Variants in SOX5 observed in about 807,000 individuals in gnomAD.
SOX5 encodes SRY-box transcription factor 5.
In SOX5, 9 loss-of-function variants were observed where a neutral mutation model predicts 92.0. That is an observed-to-expected ratio of 0.10 (90% CI 0.06 to 0.17). The LOEUF (loss-of-function observed/expected upper bound fraction) is 0.17, where lower values mean the gene tolerates loss of function less well. Ranked by LOEUF, SOX5 falls within the 10% of genes least tolerant of loss-of-function variation. SOX5 has a pLI of 1.00. For synonymous variants in SOX5, 344 were observed against 336.3 expected, an observed-to-expected ratio of 1.02 and a Z score of -0.25; for missense variants, 642 against 944.5, an observed-to-expected ratio of 0.68 and a Z score of 4.20.
chr12:24,148,581 G>A (rs1951324958), intron 4 of SOX5, among the ~76,000 whole-genome samples: 1 of 148,934 alleles, frequency 6.7e-6, no homozygotes, highest in Non-Finnish European at 1.5e-5. Context: ...TGGGTGTGGT[G>A]TCTCACACCC....
At chr12:24,060,690 A>C (rs1939506711) in intron 4 of SOX5, among the ~76,000 whole-genome samples, 1 of 152,306 alleles carries the variant, frequency 6.6e-6, no homozygotes, top group South Asian at 2.1e-4. Context: ...GGATGGGTTC[A>C]GGTATGGACC....
intron 8 of SOX5, among the ~76,000 whole-genome samples, chr12:23,639,365 C>A (rs2079727356): frequency 6.6e-6 from 1 of 152,106 alleles, no homozygotes; most frequent in Non-Finnish European, 1.5e-5. Flanking sequence ...AACTTGCTCT[C>A]ACTTCCTCTC....
At chr12:23,971,121 C>T (rs1328255652) in intron 4 of SOX5, among the ~76,000 whole-genome samples, 24 of 86,224 alleles carry the variant, frequency 2.8e-4, no homozygotes, top group South Asian at 4.8e-4. Context: ...TGTCAGCTGA[C>T]TTTTTTTTTT....
intron 1 of SOX5, among the ~76,000 whole-genome samples, chr12:24,476,767 C>T (rs780630587): frequency 5.3e-5 from 8 of 152,128 alleles, no homozygotes; most frequent in Non-Finnish European, 7.4e-5. Flanking sequence ...GGTCCCTAAA[C>T]ACAGCAGAAG....
chr12:24,336,284 G>A (rs992538380), intron 2 of SOX5, among the ~76,000 whole-genome samples: 3 of 151,734 alleles, frequency 2.0e-5, no homozygotes, highest in Non-Finnish European at 4.4e-5. Context: ...TAGTAGAGAC[G>A]GTGTTTCACC....
At chr12:23,685,446 T>C (rs1258720042) in intron 6 of SOX5, among the ~76,000 whole-genome samples, 1 of 152,112 alleles carries the variant, frequency 6.6e-6, no homozygotes, top group Non-Finnish European at 1.5e-5. Flanking sequence ...CTGAGAATTC[T>C]GGCAACTTAA....
Position 24,376,690 on chromosome 12 carries a change from CTTTTTTTTTTTTTTTTTTTTTTTTT to C in SOX5, c.-250-8076_-250-8052del, listed in dbSNP as rs1164391418. 1.7e-4 allele frequency among the ~76,000 whole-genome samples: 12 copies of C among 70,616 alleles called. No homozygotes were observed. The South Asian group carries it at 4.1e-3, about 24-fold the overall frequency. The allele number at this position is 70,616 out of a possible 152,430, so 46.3% of individuals were successfully genotyped here. A position where few individuals can be genotyped will look rare whatever the true frequency, so the allele number is the denominator to read the frequency against. ...CAGAATGATGCTATGGGAGAGATACCTTTTTTTTTTTTTTTTTTTTTTTTTTTTTTTTTTTTTTTACAGAGTCTCA... is the reference window on the plus strand; with the variant it reads ...CAGAATGATGCTATGGGAGAGATACCTTTTTTTTTTTTTTACAGAGTCTCA... On this transcript the variant is annotated intron_variant, in intron 1 of 4. Coordinates refer to the SOX5 transcript ENST00000446891.
chr12:24,519,106 A>G (rs1436026154), intron 1 of SOX5, among the ~76,000 whole-genome samples: 1 of 152,168 alleles, frequency 6.6e-6, no homozygotes, highest in African/African-American at 2.4e-5. Flanking sequence ...ATGGCATCCT[A>G]AAACCCTAGA....
chr12:24,072,707 C>A (rs1000956764), intron 4 of SOX5, among the ~76,000 whole-genome samples: 2 of 152,164 alleles, frequency 1.3e-5, no homozygotes, highest in African/African-American at 4.8e-5. Flanking sequence ...AAAACCTACT[C>A]CTCACCTCAA....
chr12:24,509,539 G>T (rs1325540849), intron 1 of SOX5, among the ~76,000 whole-genome samples: 1 of 152,114 alleles, frequency 6.6e-6, no homozygotes, highest in African/African-American at 2.4e-5. Flanking sequence ...TACTAATAAA[G>T]GAGTTTCTAA....
At chr12:23,915,116 T>C (rs1319704398) in intron 1 of SOX5, among the ~76,000 whole-genome samples, 1 of 152,138 alleles carries the variant, frequency 6.6e-6, no homozygotes, top group East Asian at 1.9e-4. Flanking sequence ...CTGAGTCCCT[T>C]TTCCCATTAC....
At chr12:24,034,990 C>A (rs962331687) in intron 4 of SOX5, among the ~76,000 whole-genome samples, 3 of 152,082 alleles carry the variant, frequency 2.0e-5, no homozygotes, top group Non-Finnish European at 4.4e-5. Context: ...TGCTAAACCC[C>A]AGAGTCTCCT....
intron 11 of SOX5, among the ~76,000 whole-genome samples, chr12:23,561,589 G>A (rs938523052): frequency 3.3e-5 from 5 of 152,086 alleles, no homozygotes; most frequent in Admixed American, 1.3e-4. Flanking sequence ...TAAACAGCAC[G>A]CTGCTTAGGG....
At chr12:23,939,000 A>C (rs905550770) in intron 1 of SOX5, among the ~76,000 whole-genome samples, 1 of 151,110 alleles carries the variant, frequency 6.6e-6, no homozygotes. Context: ...AGTTTTAAAA[A>C]TCTGAATGCA....
chr12:24,024,860 A>G (rs983182075), intron 4 of SOX5, among the ~76,000 whole-genome samples: 2 of 152,046 alleles, frequency 1.3e-5, no homozygotes, highest in African/African-American at 4.8e-5. Context: ...ATTTTCACTG[A>G]GCCAAGTAGA....
At chr12:24,287,592 CTTTTTTTTTTT>C (rs763973565) in intron 2 of SOX5, among the ~76,000 whole-genome samples, 3 of 79,674 alleles carry the variant, frequency 3.8e-5, no homozygotes, top group Non-Finnish European at 7.0e-5. Flanking sequence ...TTCTCAAATC[CTTTTTTTTTTT>C]TTTTTTTTTT....
chr12:23,950,856 G>A (rs376324509), upstream of SOX5: 8 of 1,534,946 alleles, frequency 5.2e-6, no homozygotes, highest in Admixed American at 2.0e-5. Context: ...CACACAGAGA[G>A]AGAGACACTT....
intron 4 of SOX5, among the ~76,000 whole-genome samples, chr12:24,002,004 G>A (rs1427755020): frequency 1.3e-5 from 2 of 152,058 alleles, no homozygotes; most frequent in Non-Finnish European, 2.9e-5. Flanking sequence ...AGAAAATAGT[G>A]TGAGCTAAAT....
chr12:23,656,592 TA>T (rs2082330409), intron 7 of SOX5, among the ~76,000 whole-genome samples: 1 of 152,106 alleles, frequency 6.6e-6, no homozygotes, highest in Admixed American at 6.6e-5. Context: ...AGGAAGAAGA[TA>T]TCCATAATGT....
Sources: allele counts gnomAD v4.1 joint callset (sites outside exome capture counted in the v4.1 genomes callset), GRCh38; gene constraint gnomAD v4.1.1; transcripts MANE v1.5; gene names NCBI Gene and HGNC (gene_info 2026-07-23, HGNC 2026-07-21).